DDX19B: variants seen among roughly 807,000 people sequenced by gnomAD.
DDX19B encodes DEAD-box helicase 19B.
A neutral mutation model predicts 58.1 loss-of-function variants in DDX19B; 27 were observed. The observed-to-expected ratio is 0.46, with a 90% CI of 0.34 to 0.64. The LOEUF is 0.64. DDX19B is among the 30% of genes least tolerant of loss of function. DDX19B has a pLI of 0.01. For missense variants in DDX19B, 399 were observed against 596.5 expected, an observed-to-expected ratio of 0.67 and a Z score of 3.45; for synonymous variants, 187 against 214.4, an observed-to-expected ratio of 0.87 and a Z score of 1.12.
At chr16:70,309,900 C>A (rs1372071848) in intron 1 of DDX19B, among the ~76,000 whole-genome samples, 3 of 146,244 alleles carry the variant, frequency 2.1e-5, no homozygotes, top group Non-Finnish European at 3.0e-5. Context: ...TTTTTTTGTT[C>A]TCTCCTCTCT....
At position 70,333,123 on chromosome 16, in the gene DDX19B, A is replaced by G. The variant is rs573180584; in HGVS notation, c.1342A>G (p.Ser448Gly). The change falls in exon 11 of 12, where the codon AGC becomes GGC. Residue 448 changes from serine to glycine, a missense_variant. Physicochemically the swap from Ser to Gly is moderately conservative, Grantham distance 56. This residue lies in a region of DDX19B where 198 missense variants were observed against 345.9 expected (regional missense o/e 0.57). Transcript: ENST00000288071. ...LAVNMVDSKH[S>G]MNILNRIQEH... ...AGTGAACATGGTGGACAGCAAGCAC[A>G]GCATGAACATCCTGAACAGAATCCA... is the stretch of plus-strand genomic sequence containing the variant. The G allele has an allele frequency of 1.2e-5, 19 of 1,536,186 alleles. No homozygotes were observed. In the East Asian group the frequency reaches 4.0e-4, roughly 32 times the overall value.
intron 5 of DDX19B, among the ~76,000 whole-genome samples, chr16:70,321,417 G>A (rs1962804965): frequency 6.6e-6 from 1 of 152,178 alleles, no homozygotes; most frequent in South Asian, 2.1e-4. Flanking sequence ...ATTGGGCCTA[G>A]CCAAGAAGCT....
chr16:70,326,290 CA>C (rs2152210355), intron 7 of DDX19B, among the ~76,000 whole-genome samples: 1 of 152,244 alleles, frequency 6.6e-6, no homozygotes, highest in African/African-American at 2.4e-5. Context: ...TCCTAGCTAT[CA>C]TGGTGAAACC....
chr16:70,329,488 G>A lies in DDX19B; in HGVS notation c.785+19G>A. The A allele has an allele frequency of 1.2e-6, 2 of 1,613,206 alleles. No homozygotes were observed. The highest frequency in any genetic ancestry group is 1.7e-6 in the Non-Finnish European group (2 of 1,179,354). On this transcript the variant is annotated intron_variant, in intron 8 of 11. Transcript: ENST00000288071. ...TCCAGAGGTAGGGATCTCGAGGGTG[G>A]GGGACTCCTCAGATTCCCCATCTGC...
intron 11 of DDX19B, 132 bp from the exon 12 acceptor site, chr16:70,333,389 C>G (rs530587535): frequency 1.5e-6 from 2 of 1,371,714 alleles, no homozygotes; most frequent in Middle Eastern, 1.9e-4. Context: ...CTGACTGTTG[C>G]TGTCAGTGAC....
intron 5 of DDX19B, 52 bp from the exon 6 acceptor site, chr16:70,324,530 TTTG>T: frequency 6.6e-7 from 1 of 1,521,542 alleles, no homozygotes; most frequent in Non-Finnish European, 9.0e-7. Context: ...TTTTTTAAAC[TTTG>T]TTAACTAAAA....
In DDX19B at chr16:70,325,606, C is replaced by T; in HGVS notation, c.525C>T (p.Ala175=). The change falls in exon 7 of 12, where the codon GCC becomes GCT. Residue 175 remains alanine, a synonymous_variant. Transcript: ENST00000288071. ...CLCLSPTYEL[A]LQTGKVIEQM... is the part of the protein sequence containing the mutation. ...GTCTCTCCCCAACGTATGAGCTCGC[C>T]CTCCAAACAGGAAAAGTGATTGAAC... is the stretch of plus-strand genomic sequence containing the variant. 3 of 1,614,054 alleles carry T rather than the reference C, an allele frequency of 1.9e-6. No individual in the cohort carries two copies. Among genetic ancestry groups the T allele is most frequent in the Non-Finnish European group, 2.5e-6 (3 of 1,179,996 alleles).
chr16:70,308,726 T>G (rs1037418566), intron 1 of DDX19B, among the ~76,000 whole-genome samples: 2 of 152,058 alleles, frequency 1.3e-5, no homozygotes, highest in Admixed American at 6.6e-5. Context: ...TTGCCCAGGC[T>G]TGTCTCAAAC....
At chr16:70,310,314 G>A (rs1226195934) in intron 1 of DDX19B, among the ~76,000 whole-genome samples, 1 of 151,752 alleles carries the variant, frequency 6.6e-6, no homozygotes, top group African/African-American at 2.4e-5. Flanking sequence ...CCAGGAGGCG[G>A]AGGTTGCAGT....
rs1450088981 is a variant in DDX19B, at chr16:70,331,832, C to T, written c.1134C>T (p.Arg378=). ...MVEQRAAVIE[R]FREGKEKVLV... ...AACAGAGGGCTGCAGTGATTGAGCGCTTCCGAGAGGGCAAAGAGAAGGTTT... is the reference window on the plus strand; with the variant it reads ...AACAGAGGGCTGCAGTGATTGAGCGTTTCCGAGAGGGCAAAGAGAAGGTTT... The change falls in exon 10 of 12, where the codon CGC becomes CGT. Residue 378 remains arginine (R), a synonymous_variant. Coordinates refer to ENST00000288071, the MANE Select transcript of DDX19B (RefSeq NM_007242.7). The T allele has an allele frequency of 3.7e-6, 6 of 1,614,090 alleles. No homozygotes were observed. Among genetic ancestry groups the T allele is most frequent in the Non-Finnish European group, 5.1e-6 (6 of 1,179,960 alleles).
chr16:70,316,691 T>A (rs557592172), intron 4 of DDX19B, among the ~76,000 whole-genome samples: 1 of 152,164 alleles, frequency 6.6e-6, no homozygotes, highest in South Asian at 2.1e-4. Flanking sequence ...CTTTGGGATA[T>A]TTAGTAAAAT....
At chr16:70,310,130 C>T (rs2152192518) in intron 1 of DDX19B, among the ~76,000 whole-genome samples, 1 of 152,202 alleles carries the variant, frequency 6.6e-6, no homozygotes, top group East Asian at 1.9e-4. Flanking sequence ...TGCCTGTAAT[C>T]CCAGCACTTT....
chr16:70,311,112 A>T (rs986521133), intron 1 of DDX19B, among the ~76,000 whole-genome samples: 1 of 143,502 alleles, frequency 7.0e-6, no homozygotes, highest in South Asian at 2.3e-4. Context: ...GGCAGCTCAT[A>T]TCTGTAATCC....
upstream of DDX19B, among the ~76,000 whole-genome samples, chr16:70,295,720 C>T (rs1215454669): frequency 6.6e-6 from 1 of 151,906 alleles, no homozygotes; most frequent in Admixed American, 6.6e-5. Context: ...AAACATGGAG[C>T]CAAGCACAGC....
Position 70,335,286 on chromosome 16 carries a change from A to G in DDX19B, c.*1704A>G, listed in dbSNP as rs1597509983. 6.6e-6 allele frequency: 1 copy of G among 152,350 alleles called. No individual in the cohort carries two copies. Among genetic ancestry groups the G allele is most frequent in the African/African-American group, 2.4e-5 (1 of 41,586 alleles). The allele number at this position is 152,350 out of a possible 1,614,324, so 9.4% of individuals were successfully genotyped here. On this transcript the variant is annotated 3_prime_UTR_variant, in exon 12 of 12. Transcript: ENST00000288071. ...AAACAAGGGCAATAATTAAAGAAGT[A>G]TAGACTCTTTAGTAGGCCACAGGCA...
upstream of DDX19B, chr16:70,294,769 C>A: frequency 2.5e-6 from 3 of 1,187,836 alleles, no homozygotes; most frequent in Non-Finnish European, 3.4e-6. Flanking sequence ...GATTTCCAGG[C>A]CTCAGCCAAT....
In DDX19B at chr16:70,325,672, T is replaced by TG; in HGVS notation, c.592dup (p.Val198GlyfsTer5). On this transcript the variant is annotated frameshift_variant, in exon 7 of 12. Coordinates refer to ENST00000288071, the MANE Select transcript of DDX19B (RefSeq NM_007242.7). LOFTEE classifies it high-confidence loss of function. ...ACCCTGAACTGAAGCTAGCTTATGC[T>TG]GTTCGAGGCAATAAATGTGAGTATG... 1.2e-6 allele frequency: 2 copies of TG among 1,611,666 alleles called. No individual in the cohort carries two copies. The highest frequency in any genetic ancestry group is 1.7e-6 in the Non-Finnish European group (2 of 1,178,716).
upstream of DDX19B, among the ~76,000 whole-genome samples, chr16:70,291,668 G>A (rs899496942): frequency 4.6e-5 from 7 of 152,070 alleles, no homozygotes; most frequent in Admixed American, 3.3e-4. Flanking sequence ...AAAAGTAGCC[G>A]GGCGTGGTGG....
intron 5 of DDX19B, among the ~76,000 whole-genome samples, chr16:70,318,796 C>CAAAA (rs566281072): frequency 1.2e-5 from 1 of 80,348 alleles, no homozygotes; most frequent in South Asian, 3.8e-4. Flanking sequence ...AACTCCATCT[C>CAAAA]AAAAAAAAAA....
Sources: allele counts gnomAD v4.1 joint callset (sites outside exome capture counted in the v4.1 genomes callset), GRCh38; gene constraint gnomAD v4.1.1; regional missense constraint gnomAD v4.1.1; transcripts MANE v1.5; gene names NCBI Gene and HGNC (gene_info 2026-07-23, HGNC 2026-07-21).